SDC1: variants seen among roughly 807,000 people sequenced by gnomAD.
SDC1 encodes syndecan-1.
Under a neutral mutation model 29.7 loss-of-function variants are expected in SDC1, and 14 were observed. The observed-to-expected ratio is 0.47, with a 90% CI of 0.31 to 0.74. The LOEUF (loss-of-function observed/expected upper bound fraction) is 0.74. SDC1 is among the 30% of genes least tolerant of loss of function. SDC1 has a pLI of 0.05. For missense variants in SDC1, 406 were observed against 400.3 expected (o/e 1.01, Z -0.12); for synonymous variants, 204 against 175.5 (o/e 1.16, Z -1.29).
intron 3 of SDC1, among the ~76,000 whole-genome samples, chr2:20,203,563 G>T (rs1274533547): frequency 1.3e-5 from 2 of 152,254 alleles, no homozygotes; most frequent in African/African-American, 4.8e-5. Flanking sequence ...TGCAGCAGGG[G>T]CTGCAAGTTT....
chr2:20,224,295 C>A lies in SDC1; in HGVS notation c.66+507G>T. ...GGCCAACGCGGCCGCCTCCCGCTCC[C>A]GCGCCGGCCGCGCTGCGCCCAAACT... On this transcript the variant is annotated intron_variant, in intron 1 of 4. Coordinates refer to ENST00000254351, the MANE Select transcript of SDC1 (RefSeq NM_002997.5). The surrounding 1 kb of genome is among the most constrained non-coding windows in gnomAD (Gnocchi z 4.9). The A allele has an allele frequency of 6.1e-6, 1 of 164,490 alleles. No individual in the cohort carries two copies. Among genetic ancestry groups the A allele is most frequent in the Non-Finnish European group, 1.3e-5 (1 of 79,058 alleles). 10.2% of individuals were successfully genotyped at this position (164,490 alleles called of 1,614,324 possible).
intron 1 of SDC1, among the ~76,000 whole-genome samples, chr2:20,214,112 G>C (rs972283587): frequency 1.3e-5 from 2 of 152,218 alleles, no homozygotes; most frequent in African/African-American, 4.8e-5. Flanking sequence ...GATTACAACA[G>C]AGAGGCTGGA....
In SDC1 at chr2:20,205,424, G is replaced by C; in HGVS notation, c.67C>G (p.Gln23Glu). ...LALSLQPALP[Q>E]IVATNLPPED... Reference sequence around the variant, plus strand: ...GGGGGCAAATTAGTAGCCACAATTTGCTGGAAAAGGATCAGAATATGGTAT... The same window carrying C: ...GGGGGCAAATTAGTAGCCACAATTTCCTGGAAAAGGATCAGAATATGGTAT... Residue 23 changes from glutamine (Q) to glutamate (E), a missense_variant and splice_region_variant, in exon 2 of 5, where the codon CAA becomes GAA. Gln to Glu is a conservative substitution (Grantham distance 29). Coordinates refer to ENST00000254351, the MANE Select transcript of SDC1 (RefSeq NM_002997.5). 6.2e-7 allele frequency: 1 copy of C among 1,613,378 alleles called. No individual in the cohort carries two copies. The highest frequency in any genetic ancestry group is 8.5e-7 in the Non-Finnish European group (1 of 1,179,354).
At chr2:20,204,357 T>TAGGGGAGG in intron 2 of SDC1, 66 bp from the exon 3 acceptor site, 1 of 1,046,124 alleles carries the variant, frequency 9.6e-7, no homozygotes, top group Non-Finnish European at 1.4e-6. Context: ...GCAGAGTGTG[T>TAGGGGAGG]TGGGTGGGTC....
chr2:20,210,701 CA>C (rs1197595542), intron 1 of SDC1, among the ~76,000 whole-genome samples: 1 of 152,202 alleles, frequency 6.6e-6, no homozygotes, highest in Non-Finnish European at 1.5e-5. Flanking sequence ...TGCCCCTTAT[CA>C]AAGGAGCTAG....
rs72783295 is a variant in SDC1, at chr2:20,209,329, G to A, written c.67-3905C>T. Among the ~76,000 whole-genome samples the A allele has an allele frequency of 7.8e-3, 1,186 of 152,240 alleles. 4 individuals carry two copies. Among genetic ancestry groups the A allele is most frequent in the Non-Finnish European group, 0.013 (857 of 68,004 alleles). ...AAAGGTGAGGGACTTGCCCAAGGCC[G>A]CCCAGACACTACAACTCCCCGTGCA... On this transcript the variant is annotated intron_variant, in intron 1 of 4. Transcript: ENST00000254351.
intron 1 of SDC1, among the ~76,000 whole-genome samples, chr2:20,221,068 C>T (rs749158093): frequency 6.6e-6 from 1 of 152,098 alleles, no homozygotes; most frequent in Non-Finnish European, 1.5e-5. Context: ...CCCCTAAAGG[C>T]CTCACCTTGG....
intron 3 of SDC1, among the ~76,000 whole-genome samples, chr2:20,203,508 C>T (rs1443590078): frequency 1.3e-5 from 2 of 152,228 alleles, no homozygotes; most frequent in East Asian, 3.8e-4. Context: ...AAAATTCCCA[C>T]GAAGCTATAA....
chr2:20,204,454 T>C (rs1677184155), intron 2 of SDC1, among the ~76,000 whole-genome samples, 163 bp from the exon 3 acceptor site: 1 of 152,026 alleles, frequency 6.6e-6, no homozygotes, highest in Admixed American at 6.6e-5. Flanking sequence ...GCTAAGCTCC[T>C]TGGAAAATGG....
Position 20,203,101 on chromosome 2 carries a change from T to C in SDC1, c.749A>G (p.Lys250Arg). ...TGASQGLLDR[K>R]EVLGGVIAGG... ...AGAAAACTCACCTCCCAGCACCTCTTTCCTGTCCAGGAGGCCCTGTGAGGC... is the reference window on the plus strand; with the variant it reads ...AGAAAACTCACCTCCCAGCACCTCTCTCCTGTCCAGGAGGCCCTGTGAGGC... Residue 250 changes from lysine to arginine, a missense_variant, in exon 4 of 5, where the codon AAA becomes AGA. By Grantham distance (26) the Lys-to-Arg change is conservative. Transcript: ENST00000254351. 6.2e-7 allele frequency: 1 copy of C among 1,608,378 alleles called. No homozygotes were observed. The highest frequency in any genetic ancestry group is 8.5e-7 in the Non-Finnish European group (1 of 1,176,350).
At position 20,203,996 on chromosome 2, in the gene SDC1, G is replaced by T. The variant is rs756420300; in HGVS notation, c.444C>A (p.Pro148=). The T allele has an allele frequency of 6.2e-7, 1 of 1,613,630 alleles. No homozygotes were observed. Among genetic ancestry groups the T allele is most frequent in the East Asian group, 2.2e-5 (1 of 44,852 alleles). ...STTTATTAQE[P]ATSHPHRDMQ... is the part of the protein sequence containing the mutation. Reference sequence around the variant, plus strand: ...TGTCCCTGTGGGGGTGGGAGGTGGCGGGCTCCTGGGCCGTGGTGGCTGTGG... The same window carrying T: ...TGTCCCTGTGGGGGTGGGAGGTGGCTGGCTCCTGGGCCGTGGTGGCTGTGG... The change falls in exon 3 of 5, where the codon CCC becomes CCA. Residue 148 remains proline, a synonymous_variant. Coordinates refer to ENST00000254351, the MANE Select transcript of SDC1 (RefSeq NM_002997.5).
intron 1 of SDC1, among the ~76,000 whole-genome samples, chr2:20,209,449 C>T (rs940280643): frequency 3.3e-5 from 5 of 152,236 alleles, no homozygotes; most frequent in Admixed American, 6.5e-5. Context: ...TAAGGCTCCT[C>T]AGTGGGATGG....
chr2:20,202,332 C>A lies in SDC1; in HGVS notation c.*434G>T, dbSNP rs1011424648. 1.0e-5 allele frequency: 8 copies of A among 773,310 alleles called. No individual in the cohort carries two copies. The highest frequency in any genetic ancestry group is 1.0e-4 in the African/African-American group (6 of 58,876). 47.9% of individuals were successfully genotyped at this position (773,310 alleles called of 1,614,324 possible). On this transcript the variant is annotated 3_prime_UTR_variant, in exon 5 of 5. Transcript: ENST00000254351. ...GTCCCCTGCCACTCAGCGGCCACCC[C>A]CCCAAGATGCTTGGTCCTACCAGTA... is the stretch of plus-strand genomic sequence containing the variant.
At chr2:20,219,984 AGGTAAAAGAT>A (rs1677764188) in intron 1 of SDC1, among the ~76,000 whole-genome samples, 2 of 152,192 alleles carry the variant, frequency 1.3e-5, no homozygotes, top group South Asian at 4.1e-4. Context: ...CCAGCGCCCA[AGGTAAAAGAT>A]GGTGCAAGCT....
At chr2:20,214,528 C>T (rs915161126) in intron 1 of SDC1, among the ~76,000 whole-genome samples, 5 of 152,198 alleles carry the variant, frequency 3.3e-5, no homozygotes, top group Admixed American at 2.0e-4. Context: ...TGCCCTCCCT[C>T]TGATGGGCTG....
intron 1 of SDC1, among the ~76,000 whole-genome samples, chr2:20,206,604 G>A (rs1677279605): frequency 6.6e-6 from 1 of 152,190 alleles, no homozygotes; most frequent in Admixed American, 6.5e-5. Flanking sequence ...AGTCTATCTT[G>A]AGAGGGCCCC....
At chr2:20,223,294 A>G in intron 1 of SDC1, 1 of 1,295,350 alleles carries the variant, frequency 7.7e-7, no homozygotes, top group Non-Finnish European at 1.0e-6. Context: ...AAGAAAAAAA[A>G]AACCAAAGCG....
At chr2:20,215,338 G>A (rs1482660110) in intron 1 of SDC1, among the ~76,000 whole-genome samples, 1 of 152,130 alleles carries the variant, frequency 6.6e-6, no homozygotes, top group Non-Finnish European at 1.5e-5. Context: ...ACCTTCTCAG[G>A]TCAGGAGGCA....
intron 1 of SDC1, among the ~76,000 whole-genome samples, chr2:20,207,224 C>T (rs540216959): frequency 2.0e-5 from 3 of 152,234 alleles, no homozygotes; most frequent in Non-Finnish European, 2.9e-5. Flanking sequence ...GCGTCAGACA[C>T]GTGTAGAAAC....
Sources: gnomAD v4.1 joint callset for allele counts (sites outside exome capture counted in the v4.1 genomes callset) on GRCh38, gnomAD v4.1.1 for gene constraint, Gnocchi (gnomAD v3.1) non-coding constraint, MANE v1.5 for transcripts, NCBI Gene and HGNC (gene_info 2026-07-23, HGNC 2026-07-21) for gene names.